ASCC1: variants seen among roughly 807,000 people sequenced by gnomAD.
The protein encoded by ASCC1 is ASC-1 complex subunit P50.
A neutral mutation model predicts 46.6 loss-of-function variants in ASCC1; 35 were observed. The ratio of observed to expected loss-of-function variants is 0.75; its 90% CI spans 0.57 to 0.99. The LOEUF is 0.99. ASCC1 is among the 50% of genes least tolerant of loss of function. The pLI, the probability that ASCC1 is intolerant of heterozygous loss-of-function variation, is 0.00. For synonymous variants in ASCC1, 143 were observed against 146.6 expected, an observed-to-expected ratio of 0.98 and a Z score of 0.18; for missense variants, 376 against 428.7, an observed-to-expected ratio of 0.88 and a Z score of 1.09.
intron 5 of ASCC1, among the ~76,000 whole-genome samples, chr10:72,183,217 T>C (rs994540256): frequency 6.6e-6 from 1 of 152,112 alleles, no homozygotes; most frequent in Non-Finnish European, 1.5e-5. Flanking sequence ...CTAATTTTTG[T>C]ATTTTTGTAG....
At chr10:72,195,165 G>A (rs1416434928) in intron 5 of ASCC1, among the ~76,000 whole-genome samples, 1 of 11,694 alleles carries the variant, frequency 8.6e-5, no homozygotes, top group Non-Finnish European at 2.7e-4. Flanking sequence ...TTTTTTTTTT[G>A]AGACAGGGTC....
chr10:72,103,767 T>C (rs941880985), intron 9 of ASCC1, among the ~76,000 whole-genome samples: 2 of 152,126 alleles, frequency 1.3e-5, no homozygotes, highest in African/African-American at 4.8e-5. Flanking sequence ...ACATAGAGCA[T>C]AGAAAAGAAT....
In ASCC1 at chr10:72,135,996, G is replaced by A. The variant is rs113266591; in HGVS notation, c.747-2815C>T. Among the ~76,000 whole-genome samples, 245 of 152,232 alleles carry A rather than the reference G, an allele frequency of 1.6e-3. 2 individuals carry two copies. Among genetic ancestry groups the A allele is most frequent in the Middle Eastern group, 6.8e-3 (2 of 294 alleles). On this transcript the variant is annotated intron_variant, in intron 7 of 9. Transcript: ENST00000672957. ...CTTACTTGGTAAGCCATAGGAAACC[G>A]AGGGTTGTTTTTTGTTGTTGTTGTT...
chr10:72,096,218 A>T lies in ASCC1; in HGVS notation c.*1116T>A, dbSNP rs1442722354. The T allele has an allele frequency of 1.1e-5, 5 of 454,048 alleles. No homozygotes were observed. The highest frequency in any genetic ancestry group is 2.3e-5 in the Admixed American group (1 of 42,554). The allele number at this position is 454,048 out of a possible 1,614,324, so 28.1% of individuals were successfully genotyped here. On this transcript the variant is annotated 3_prime_UTR_variant, in exon 10 of 10. Coordinates refer to ENST00000672957, the MANE Select transcript of ASCC1 (RefSeq NM_001198800.3). ...AAGGAGAGGACATGGAGGGAGGAAG[A>T]ATGTGAGGAGGCAGGGGTGGGAGGC...
At chr10:72,142,710 C>G (rs952779881) in intron 7 of ASCC1, among the ~76,000 whole-genome samples, 1 of 152,086 alleles carries the variant, frequency 6.6e-6, no homozygotes, top group Non-Finnish European at 1.5e-5. Context: ...ATTGCTACTG[C>G]TCTAGTTCAG....
intron 9 of ASCC1, among the ~76,000 whole-genome samples, chr10:72,100,690 G>A (rs970663020): frequency 1.3e-5 from 2 of 152,062 alleles, no homozygotes; most frequent in African/African-American, 4.8e-5. Context: ...ACTGTGTCCC[G>A]CCAATGTATC....
intron 9 of ASCC1, among the ~76,000 whole-genome samples, chr10:72,123,333 C>G (rs922374932): frequency 9.1e-5 from 13 of 143,590 alleles, no homozygotes; most frequent in African/African-American, 3.4e-4. Flanking sequence ...AGCAAGACTC[C>G]GTCTCAAAAA....
At chr10:72,200,672 A>C (rs954571821) in intron 4 of ASCC1, among the ~76,000 whole-genome samples, 28 of 152,164 alleles carry the variant, frequency 1.8e-4, no homozygotes, top group South Asian at 8.3e-4. Flanking sequence ...CTCAAAAAAA[A>C]AAAAAAATAG....
At chr10:72,165,027 G>A (rs906323519) in intron 5 of ASCC1, among the ~76,000 whole-genome samples, 3 of 151,852 alleles carry the variant, frequency 2.0e-5, no homozygotes, top group East Asian at 1.9e-4. Flanking sequence ...TACCCATATC[G>A]GTCCATGGGT....
chr10:72,116,558 C>T (rs963127942), intron 9 of ASCC1, among the ~76,000 whole-genome samples: 23 of 152,134 alleles, frequency 1.5e-4, no homozygotes, highest in African/African-American at 5.1e-4. Flanking sequence ...CTATCCTGAA[C>T]GTTTTGTTCT....
intron 7 of ASCC1, among the ~76,000 whole-genome samples, chr10:72,149,624 G>A (rs990716713): frequency 6.6e-6 from 1 of 152,020 alleles, no homozygotes; most frequent in African/African-American, 2.4e-5. Context: ...AAAAGTTTCA[G>A]AACTGCCATC....
rs150248611 is a variant in ASCC1 at position 72,138,107 on chromosome 10, C to T, written c.747-4926G>A. Among the ~76,000 whole-genome samples, 1,011 of 152,306 alleles carry T rather than the reference C, an allele frequency of 6.6e-3. 7 individuals carry two copies. The highest frequency in any genetic ancestry group is 0.017 in the Middle Eastern group (5 of 294). On this transcript the variant is annotated intron_variant, in intron 7 of 9. Transcript: ENST00000672957. ...CTCAAACTCCTGCCCTCAAACGATCCACCTGCCTTGGCCTCCCAAAGTGTT... is the reference window on the plus strand; with the variant it reads ...CTCAAACTCCTGCCCTCAAACGATCTACCTGCCTTGGCCTCCCAAAGTGTT...
intron 1 of ASCC1, among the ~76,000 whole-genome samples, chr10:72,213,724 T>C (rs978905040): frequency 3.3e-5 from 5 of 150,150 alleles, no homozygotes; most frequent in East Asian, 2.0e-4. Flanking sequence ...CTTATGAACA[T>C]AGTGAGACCT....
chr10:72,190,365 T>A, intron 5 of ASCC1: 1 of 1,472,388 alleles, frequency 6.8e-7, no homozygotes, highest in South Asian at 1.1e-5. Flanking sequence ...GTTATCCTCA[T>A]TGATCCAGTC....
chr10:72,124,634 G>A (rs758049020), intron 9 of ASCC1, among the ~76,000 whole-genome samples: 16 of 152,022 alleles, frequency 1.1e-4, no homozygotes, highest in Non-Finnish European at 2.1e-4. Context: ...GCTAGTGAGG[G>A]AGCATTTACT....
At chr10:72,136,442 A>C (rs1448712320) in intron 7 of ASCC1, among the ~76,000 whole-genome samples, 3 of 151,978 alleles carry the variant, frequency 2.0e-5, no homozygotes, top group African/African-American at 7.3e-5. Context: ...TGTCTAGCTA[A>C]AGGATTGTAA....
At position 72,214,367 on chromosome 10, in the gene ASCC1, CTTTTTTT is replaced by C. The variant is rs970289326; in HGVS notation, c.-33-1043_-33-1037del. On this transcript the variant is annotated intron_variant, in intron 1 of 9. Transcript: ENST00000672957. ...TTATCTAACCATTTGCACAATATCT[CTTTTTTT>C]TTTTTTTTTTTTTTTTTTGAGACGG... Among the ~76,000 whole-genome samples, 18 of 88,466 alleles carry C rather than the reference CTTTTTTT, an allele frequency of 2.0e-4. No individual in the cohort carries two copies. In the South Asian group the frequency reaches 2.4e-3, roughly 12 times the overall value. The allele number at this position is 88,466 out of a possible 152,430, so 58.0% of individuals were successfully genotyped here. A position where few individuals can be genotyped will look rare whatever the true frequency, so the allele number is the denominator to read the frequency against.
rs1856788633 is a variant in ASCC1, at chr10:72,203,496, T to C, written c.241A>G (p.Arg81Gly). 5.0e-6 allele frequency: 8 copies of C among 1,612,622 alleles called. No individual in the cohort carries two copies. Among genetic ancestry groups the C allele is most frequent in the Non-Finnish European group, 6.8e-6 (8 of 1,179,042 alleles). The change falls in exon 4 of 10, where the codon AGG becomes GGG. Residue 81 changes from arginine (R) to glycine (G), a missense_variant. By Grantham distance (125) the Arg-to-Gly change is moderately radical (BLOSUM62 -2). Transcript: ENST00000672957. ...TTGGTCTCCATTTCTATTTTCTTCC[T>C]AGTGTCCCCTCTCTTTCCAACTATA... ...KHIVGKRGDT[R>G]KKIEMETKTS...
chr10:72,102,276 A>C, intron 9 of ASCC1: 1 of 1,457,308 alleles, frequency 6.9e-7, no homozygotes, highest in Non-Finnish European at 9.4e-7. Flanking sequence ...AAAGGGAGCT[A>C]CTTCATGGGG....
Sources: gnomAD v4.1 joint callset for allele counts (sites outside exome capture counted in the v4.1 genomes callset) on GRCh38, gnomAD v4.1.1 for gene constraint, MANE v1.5 for transcripts, NCBI Gene and HGNC (gene_info 2026-07-23, HGNC 2026-07-21) for gene names.